Variants in AFAP1 observed in about 807,000 individuals in gnomAD.
AFAP1 encodes the protein actin filament associated protein 1.
In AFAP1, 75 loss-of-function variants were observed where a neutral mutation model predicts 93.9. That is an observed-to-expected ratio of 0.80 (90% confidence interval 0.66 to 0.97). The LOEUF (loss-of-function observed/expected upper bound fraction) is 0.97, where lower values mean the gene tolerates loss of function less well. Ranked by LOEUF, AFAP1 falls within the 50% of genes least tolerant of loss-of-function variation. The probability of loss-of-function intolerance (pLI) is 0.00; values close to 1 mark genes in which losing one functional copy is unlikely to be tolerated. For missense variants in AFAP1, 1,201 were observed against 1,050.8 expected (o/e 1.14, Z -1.98); for synonymous variants, 517 against 430.7 (o/e 1.20, Z -2.48).
chr4:7,849,043 G>A (rs1205449249), intron 4 of AFAP1, among the ~76,000 whole-genome samples: 1 of 152,170 alleles, frequency 6.6e-6, no homozygotes, highest in Non-Finnish European at 1.5e-5. Flanking sequence ...CCACCCAAAT[G>A]ACACAAGAAT....
chr4:7,939,173 G>A lies in AFAP1; in HGVS notation c.-3+483C>T, dbSNP rs533968959. The A allele has an allele frequency of 3.5e-5, 7 of 202,682 alleles. 1 individual carries two copies. The Middle Eastern group carries it at 1.5e-3, about 42-fold the overall frequency. 12.6% of individuals were successfully genotyped at this position (202,682 alleles called of 1,614,324 possible). ...AACACTCAGGAAGCCGTCATGCGGGGCCAAGAAAGAGCCCCCATCCAGAGT... is the reference window on the plus strand; with the variant it reads ...AACACTCAGGAAGCCGTCATGCGGGACCAAGAAAGAGCCCCCATCCAGAGT... On this transcript the variant is annotated intron_variant, in intron 1 of 17. Coordinates refer to ENST00000420658, the MANE Select transcript of AFAP1 (RefSeq NM_001134647.2). The surrounding 1 kb of genome is among the most constrained non-coding windows in gnomAD (Gnocchi z 5.6).
At chr4:7,828,865 T>C (rs1721655686) in intron 6 of AFAP1, among the ~76,000 whole-genome samples, 1 of 152,172 alleles carries the variant, frequency 6.6e-6, no homozygotes, top group Admixed American at 6.5e-5. Context: ...ACCTATACCG[T>C]CTGAAATGGT....
chr4:7,922,455 T>C (rs1720489647), intron 1 of AFAP1, among the ~76,000 whole-genome samples: 1 of 152,126 alleles, frequency 6.6e-6, no homozygotes, highest in Non-Finnish European at 1.5e-5. Context: ...GAGGTAGAAG[T>C]GTGGAGATGA....
chr4:7,841,899 G>A (rs565220343), intron 5 of AFAP1, among the ~76,000 whole-genome samples: 1 of 151,970 alleles, frequency 6.6e-6, no homozygotes, highest in East Asian at 1.9e-4. Context: ...AGGGGGTGAG[G>A]GAGAGGAGGG....
intron 10 of AFAP1, among the ~76,000 whole-genome samples, chr4:7,795,919 G>A (rs2149016697): frequency 6.6e-6 from 1 of 152,256 alleles, no homozygotes; most frequent in Non-Finnish European, 1.5e-5. Context: ...CTGTGGTGTT[G>A]GAGGTATTAG....
intron 1 of AFAP1, among the ~76,000 whole-genome samples, chr4:7,872,665 A>G (rs1042454118): frequency 3.3e-5 from 5 of 152,148 alleles, no homozygotes; most frequent in Non-Finnish European, 7.4e-5. Flanking sequence ...GATATCCACA[A>G]GACTGGAATG....
At chr4:7,884,522 A>G (rs149275396) in intron 1 of AFAP1, among the ~76,000 whole-genome samples, 44 of 152,308 alleles carry the variant, frequency 2.9e-4, no homozygotes, top group African/African-American at 1.0e-3. Flanking sequence ...TTAAATTCCC[A>G]GTCGGATCCA....
chr4:7,848,907 GA>G (rs1560197706), intron 4 of AFAP1, among the ~76,000 whole-genome samples: 1 of 152,080 alleles, frequency 6.6e-6, no homozygotes, highest in South Asian at 2.1e-4. Context: ...GTTTATTCCA[GA>G]AAAAAACTGC....
chr4:7,840,261 GATGTGT>G (rs1712828093), intron 5 of AFAP1, among the ~76,000 whole-genome samples: 1 of 56,194 alleles, frequency 1.8e-5, no homozygotes, highest in African/African-American at 6.3e-5. Flanking sequence ...TTGTTTTTGG[GATGTGT>G]GTGTGTGTGT....
At chr4:7,911,068 G>T (rs1719695577) in intron 1 of AFAP1, among the ~76,000 whole-genome samples, 1 of 152,186 alleles carries the variant, frequency 6.6e-6, no homozygotes. Flanking sequence ...GGGACACACA[G>T]CCCATCTGTC....
chr4:7,763,697 C>CG lies in AFAP1; in HGVS notation c.*67dup. The CG allele has an allele frequency of 3.2e-6, 5 of 1,543,472 alleles. No homozygotes were observed. The highest frequency in any genetic ancestry group is 4.4e-6 in the Non-Finnish European group (5 of 1,139,820). On this transcript the variant is annotated 3_prime_UTR_variant, in exon 18 of 18. Transcript: ENST00000420658. Reference sequence around the variant, plus strand: ...GGCCACTCTGGGCAGAGCTTCCTGCCGTCACACAGATGAGGATACAGGCAA... The same window carrying CG: ...GGCCACTCTGGGCAGAGCTTCCTGCCGGTCACACAGATGAGGATACAGGCAA...
chr4:7,858,219 C>T (rs1238796406), intron 3 of AFAP1, among the ~76,000 whole-genome samples: 5 of 152,130 alleles, frequency 3.3e-5, no homozygotes, highest in African/African-American at 9.7e-5. Context: ...TTTGTGCTTA[C>T]ATATACACAG....
At chr4:7,894,460 T>G (rs962831915) in intron 1 of AFAP1, among the ~76,000 whole-genome samples, 3 of 152,078 alleles carry the variant, frequency 2.0e-5, no homozygotes, top group African/African-American at 7.2e-5. Flanking sequence ...CAGAGGAGCG[T>G]GAATTCTGAG....
At chr4:7,814,748 G>T (rs1159968117) in intron 8 of AFAP1, among the ~76,000 whole-genome samples, 2 of 152,236 alleles carry the variant, frequency 1.3e-5, no homozygotes, top group East Asian at 3.8e-4. Context: ...AGGGCCTCGG[G>T]TAGAGGCAGA....
intron 3 of AFAP1, among the ~76,000 whole-genome samples, chr4:7,861,240 G>C (rs2149157837): frequency 6.6e-6 from 1 of 152,234 alleles, no homozygotes; most frequent in South Asian, 2.1e-4. Context: ...ATCACATATT[G>C]GCGAAACCCT....
chr4:7,931,114 G>T (rs1314337489), intron 1 of AFAP1, among the ~76,000 whole-genome samples: 1 of 152,160 alleles, frequency 6.6e-6, no homozygotes, highest in Non-Finnish European at 1.5e-5. Flanking sequence ...GAGGAGCGGG[G>T]AGGGTAAGCC....
intron 6 of AFAP1, among the ~76,000 whole-genome samples, chr4:7,836,568 T>C (rs968778917): frequency 6.6e-6 from 1 of 152,168 alleles, no homozygotes; most frequent in Non-Finnish European, 1.5e-5. Context: ...CACCTCAGTC[T>C]CCAGAGTAGC....
chr4:7,785,197 A>C (rs1717147115), intron 12 of AFAP1, among the ~76,000 whole-genome samples: 1 of 152,166 alleles, frequency 6.6e-6, no homozygotes. Flanking sequence ...TTGTGAGATG[A>C]GTAACAGGCA....
chr4:7,891,797 C>A (rs1718489493), intron 1 of AFAP1, among the ~76,000 whole-genome samples: 1 of 147,858 alleles, frequency 6.8e-6, no homozygotes, highest in Non-Finnish European at 1.5e-5. Context: ...ACCTATAATC[C>A]CAGCACTTTG....
Sources: gnomAD v4.1 joint callset for allele counts (sites outside exome capture counted in the v4.1 genomes callset) on GRCh38, gnomAD v4.1.1 for gene constraint, Gnocchi (gnomAD v3.1) non-coding constraint, MANE v1.5 for transcripts, NCBI Gene and HGNC (gene_info 2026-07-23, HGNC 2026-07-21) for gene names.